The following AACS variants were observed in gnomAD, a reference collection of about 807,000 sequenced individuals.
AACS encodes the protein acetoacetate-CoA ligase.
Under a neutral mutation model 83.1 loss-of-function variants are expected in AACS, and 69 were observed. The ratio of observed to expected loss-of-function variants is 0.83; its 90% confidence interval spans 0.68 to 1.01. The LOEUF is 1.01. Ranked by LOEUF, AACS falls within the 50% of genes least tolerant of loss-of-function variation. The pLI is 0.00. For missense variants in AACS, 866 were observed against 882.2 expected (o/e 0.98, Z 0.23); for synonymous variants, 333 against 343.4 (o/e 0.97, Z 0.33).
intron 3 of AACS, among the ~76,000 whole-genome samples, chr12:125,077,283 G>A (rs767681650): frequency 1.8e-4 from 28 of 151,832 alleles, no homozygotes; most frequent in Non-Finnish European, 3.5e-4. Context: ...GGCCAAGGTG[G>A]GCGGATCACG....
intron 1 of AACS, among the ~76,000 whole-genome samples, chr12:125,071,301 CT>C (rs902475080): frequency 6.6e-6 from 1 of 152,184 alleles, no homozygotes; most frequent in African/African-American, 2.4e-5. Context: ...CCACAATACC[CT>C]GTTGGTGACA....
chr12:125,097,901 T>C lies in AACS; in HGVS notation c.571-4778T>C, dbSNP rs1230004124. On this transcript the variant is annotated intron_variant, in intron 5 of 17. Transcript: ENST00000316519. The surrounding 1 kb of genome is among the most constrained non-coding windows in gnomAD (Gnocchi z 4.3). Reference sequence around the variant, plus strand: ...CCTCTCCACTGTCCTCCTTCATACGTTTGATTGAGCGGTTCCTCGGTTCCT... The same window carrying C: ...CCTCTCCACTGTCCTCCTTCATACGCTTGATTGAGCGGTTCCTCGGTTCCT... 6.6e-6 allele frequency among the ~76,000 whole-genome samples: 1 copy of C among 152,240 alleles called. No individual in the cohort carries two copies. The highest frequency in any genetic ancestry group is 1.5e-5 in the Non-Finnish European group (1 of 68,052).
intron 17 of AACS, chr12:125,141,117 AC>A (rs982892375): frequency 1.3e-5 from 2 of 152,162 alleles, no homozygotes; most frequent in African/African-American, 4.8e-5. Context: ...TCAGGAATTT[AC>A]CCAGCATCCC....
Position 125,124,997 on chromosome 12 carries a change from A to G in AACS, c.1282A>G (p.Ser428Gly). The G allele has an allele frequency of 6.2e-7, 1 of 1,614,132 alleles. No homozygotes were observed. The highest frequency in any genetic ancestry group is 2.2e-5 in the East Asian group (1 of 44,878). The change falls in exon 12 of 18, where the codon AGC becomes GGC. Residue 428 changes from serine (S) to glycine (G), a missense_variant. Transcript: ENST00000316519. ...CGAGTATGTCTACAGGTGCATCAAGAGCAGCATCCTCCTGGGCTCCATCTC... is the reference window on the plus strand; with the variant it reads ...CGAGTATGTCTACAGGTGCATCAAGGGCAGCATCCTCCTGGGCTCCATCTC... ...SYEYVYRCIK[S>G]SILLGSISGG...
chr12:125,139,931 G>A (rs1957455540), intron 17 of AACS: 1 of 152,252 alleles, frequency 6.6e-6, no homozygotes, highest in East Asian at 1.9e-4. Flanking sequence ...TGACCCTGGT[G>A]AGGCGGGACA....
At chr12:125,079,151 C>T (rs913546502) in intron 3 of AACS, among the ~76,000 whole-genome samples, 1 of 151,970 alleles carries the variant, frequency 6.6e-6, no homozygotes, top group Non-Finnish European at 1.5e-5. Flanking sequence ...AGAAGAAGGC[C>T]CTGGGCTGGA....
intron 1 of AACS, among the ~76,000 whole-genome samples, chr12:125,073,460 C>T (rs192373072): frequency 1.1e-4 from 17 of 152,176 alleles, no homozygotes; most frequent in African/African-American, 3.9e-4. Context: ...AGGCCCTGTT[C>T]TAAGCACTTT....
chr12:125,093,892 C>T (rs755417805), intron 5 of AACS, among the ~76,000 whole-genome samples: 3 of 152,158 alleles, frequency 2.0e-5, no homozygotes, highest in Non-Finnish European at 2.9e-5. Context: ...TTGGTGGCTT[C>T]GTGGCAGGCA....
intron 9 of AACS, among the ~76,000 whole-genome samples, chr12:125,117,017 AC>A (rs1438234287): frequency 2.6e-5 from 4 of 151,844 alleles, no homozygotes; most frequent in Non-Finnish European, 4.4e-5. Context: ...ATCATGGCTC[AC>A]TGCAGCCTCC....
Position 125,124,744 on chromosome 12 carries a change from G to A in AACS, c.1161G>A (p.Val387=), listed in dbSNP as rs144461434. Residue 387 remains valine, a synonymous_variant, in exon 11 of 18, where the codon GTG becomes GTA. Coordinates refer to ENST00000316519, the MANE Select transcript of AACS (RefSeq NM_023928.5). ...VLVTGAKWLS[V]LEEKAMKPVE... ...TAACTGGGGCCAAGTGGCTGTCAGT[G>A]CTGGAAGAGAAGGCCATGAAGCCGG... 2 of 1,614,086 alleles carry A rather than the reference G, an allele frequency of 1.2e-6. No individual in the cohort carries two copies. The highest frequency in any genetic ancestry group is 1.3e-5 in the African/African-American group (1 of 74,926).
chr12:125,114,596 A>G lies in AACS; in HGVS notation c.996+39A>G, dbSNP rs747230162. On this transcript the variant is annotated intron_variant, in intron 9 of 17. Transcript: ENST00000316519. ...CAGGTGCTGGCCTGTGCTATACCAC[A>G]ATAGGGGCTTCCCTGGGTGCCAGCC... 7.0e-6 allele frequency: 11 copies of G among 1,570,478 alleles called. No homozygotes were observed. The African/African-American group carries it at 9.6e-5, about 14-fold the overall frequency.
At chr12:125,086,512 A>T in intron 4 of AACS, 69 bp downstream of exon 4, 1 of 1,422,278 alleles carries the variant, frequency 7.0e-7, no homozygotes, top group Non-Finnish European at 9.9e-7. Context: ...TGTGAAGGTC[A>T]AGACGGCTTT....
At chr12:125,142,048 C>G (rs775630586) in intron 17 of AACS, 44 bp from the exon 18 acceptor site, 34 of 1,610,350 alleles carry the variant, frequency 2.1e-5, no homozygotes, top group Non-Finnish European at 2.4e-5. Flanking sequence ...GATTTTCCCC[C>G]CTTCAGGTTT....
chr12:125,083,199 T>C (rs1235752442), intron 3 of AACS, among the ~76,000 whole-genome samples: 1 of 152,202 alleles, frequency 6.6e-6, no homozygotes, highest in Non-Finnish European at 1.5e-5. Context: ...ACATCCAAGA[T>C]GGTGTGCCCA....
At chr12:125,076,752 T>G (rs1485633873) in intron 3 of AACS, 141 bp downstream of exon 3, 1 of 1,360,378 alleles carries the variant, frequency 7.4e-7, no homozygotes, top group Admixed American at 2.4e-5. Context: ...TTCTGTCGAC[T>G]TTATTTTTGC....
intron 3 of AACS, among the ~76,000 whole-genome samples, chr12:125,077,631 A>G (rs1956059065): frequency 6.6e-6 from 1 of 152,178 alleles, no homozygotes; most frequent in Non-Finnish European, 1.5e-5. Context: ...CCAGAATATT[A>G]CATTCTAATC....
intron 3 of AACS, among the ~76,000 whole-genome samples, chr12:125,080,865 G>T (rs56217065): frequency 0.19 from 28,416 of 151,514 alleles, 3,020 homozygotes; most frequent in African/African-American, 0.3. Flanking sequence ...CTAATTTTTT[G>T]TATTTTTAGT....
chr12:125,067,985 C>G (rs550100792), intron 1 of AACS, among the ~76,000 whole-genome samples: 2 of 152,192 alleles, frequency 1.3e-5, no homozygotes, highest in Non-Finnish European at 2.9e-5. Flanking sequence ...AGGAGATGGT[C>G]AAGCCCAGTG....
intron 3 of AACS, among the ~76,000 whole-genome samples, chr12:125,077,500 A>ACT (rs1248489272): frequency 2.1e-5 from 3 of 145,140 alleles, no homozygotes; most frequent in Admixed American, 1.4e-4. Context: ...ACAGAGTGAG[A>ACT]CTCTGTCTCA....
Sources: gnomAD v4.1 joint callset for allele counts (sites outside exome capture counted in the v4.1 genomes callset) on GRCh38, gnomAD v4.1.1 for gene constraint, Gnocchi (gnomAD v3.1) non-coding constraint, MANE v1.5 for transcripts, NCBI Gene and HGNC (gene_info 2026-07-23, HGNC 2026-07-21) for gene names.